Variants in TTC23L observed in about 807,000 individuals in gnomAD.
TTC23L encodes tetratricopeptide repeat protein 23-like.
A neutral mutation model predicts 48.1 loss-of-function variants in TTC23L; 42 were observed. The observed-to-expected ratio is 0.87, with a 90% CI of 0.68 to 1.13. The LOEUF (loss-of-function observed/expected upper bound fraction) is 1.13. TTC23L is among the 50% of genes most tolerant of loss of function. The pLI is 0.00. For synonymous variants in TTC23L, 159 were observed against 157.2 expected, an observed-to-expected ratio of 1.01 and a Z score of -0.09; for missense variants, 391 against 421.0, an observed-to-expected ratio of 0.93 and a Z score of 0.62.
chr5:34,922,270 A>C, the TTC23L span: 1 of 1,587,850 alleles, frequency 6.3e-7, no homozygotes, highest in African/African-American at 1.3e-5. Flanking sequence ...CTAAGAAAAA[A>C]CAGGATCTCT....
chr5:34,910,995 C>A, the TTC23L span, among the ~76,000 whole-genome samples: 3 of 152,180 alleles, frequency 2.0e-5, no homozygotes, highest in African/African-American at 7.2e-5. Context: ...AATCCTTATA[C>A]AGCATTTCCC....
At chr5:34,916,089 C>T in the TTC23L span, 1 of 585,216 alleles carries the variant, frequency 1.7e-6, no homozygotes, top group Admixed American at 4.0e-5. Context: ...GGCCGTCTTC[C>T]TGGAGGCGGC....
At chr5:34,919,471 T>G in the TTC23L span, among the ~76,000 whole-genome samples, 1 of 152,136 alleles carries the variant, frequency 6.6e-6, no homozygotes, top group Non-Finnish European at 1.5e-5. Context: ...CAGTTTTCTT[T>G]GACACCTAAG....
At chr5:34,866,254 A>G (rs554259996) in intron 6 of TTC23L, among the ~76,000 whole-genome samples, 12 of 152,228 alleles carry the variant, frequency 7.9e-5, no homozygotes, top group Non-Finnish European at 1.6e-4. Context: ...TTTTGAACAG[A>G]TATATATGGA....
the TTC23L span, chr5:34,915,041 G>T: frequency 1.3e-6 from 1 of 750,026 alleles, no homozygotes; most frequent in Non-Finnish European, 2.1e-6. Context: ...GGTGGAAAGG[G>T]GCTGGGAGGC....
At chr5:34,898,992 C>T (rs1763400155) in intron 10 of TTC23L, among the ~76,000 whole-genome samples, 1 of 152,086 alleles carries the variant, frequency 6.6e-6, no homozygotes, top group Admixed American at 6.5e-5. Flanking sequence ...TTCACAGGGC[C>T]TCGGGCTGTA....
At chr5:34,864,401 A>C in intron 5 of TTC23L, 36 bp from the exon 6 acceptor site, 1 of 1,611,302 alleles carries the variant, frequency 6.2e-7, no homozygotes, top group Non-Finnish European at 8.5e-7. Flanking sequence ...AGTGGATGTT[A>C]GTTTGAGTGC....
At chr5:34,854,622 G>C (rs1291957149) in intron 4 of TTC23L, among the ~76,000 whole-genome samples, 1 of 152,140 alleles carries the variant, frequency 6.6e-6, no homozygotes. Flanking sequence ...GTGTGTGTCT[G>C]TGTGCGTTCA....
intron 7 of TTC23L, 195 bp from the exon 8 acceptor site, chr5:34,868,710 T>C (rs1580455086): frequency 1.9e-6 from 1 of 533,864 alleles, no homozygotes; most frequent in Non-Finnish European, 3.4e-6. Flanking sequence ...GCTTTGCATA[T>C]ACCATCTCAC....
At chr5:34,925,530 T>C in the TTC23L span, 14 of 1,568,102 alleles carry the variant, frequency 8.9e-6, no homozygotes, top group African/African-American at 1.1e-4. Flanking sequence ...TCAGTTACTT[T>C]ATATTTATTT....
Position 34,863,646 on chromosome 5 carries a change from C to A in TTC23L, c.536+592C>A, listed in dbSNP as rs777999535. On this transcript the variant is annotated intron_variant, in intron 5 of 10. Coordinates refer to ENST00000505624, the Ensembl canonical transcript of TTC23L. This position sits in a 1 kb window ranked among gnomAD's most constrained non-coding sequence, Gnocchi z 4.1. ...TTTTGAAATGCTCTTGTGGATACTG[C>A]CCATGAGGCTGGAGGCCAAGCAAAA... Among the ~76,000 whole-genome samples, 2 of 152,158 alleles carry A rather than the reference C, an allele frequency of 1.3e-5. No homozygotes were observed. Among genetic ancestry groups the A allele is most frequent in the Non-Finnish European group, 2.9e-5 (2 of 68,034 alleles).
the TTC23L span, chr5:34,913,414 AT>A: frequency 0.012 from 12,709 of 1,031,978 alleles, 98 homozygotes; most frequent in African/African-American, 0.038. Flanking sequence ...AACTTCCTGT[AT>A]TTTTCTGACC....
intron 6 of TTC23L, 60 bp downstream of exon 6, chr5:34,864,622 A>G (rs1760918726): frequency 6.7e-7 from 1 of 1,502,686 alleles, no homozygotes; most frequent in Non-Finnish European, 8.9e-7. Flanking sequence ...ATTACATGAT[A>G]TAAGGGAGAA....
At chr5:34,923,471 T>C in the TTC23L span, 1 of 473,944 alleles carries the variant, frequency 2.1e-6, no homozygotes, top group East Asian at 3.7e-5. Context: ...AGAGACGGGG[T>C]TTCGCCATGT....
intron 4 of TTC23L, among the ~76,000 whole-genome samples, chr5:34,854,270 C>T (rs1759934191): frequency 6.6e-6 from 1 of 152,194 alleles, no homozygotes; most frequent in Admixed American, 6.5e-5. Flanking sequence ...GGAAAGGCAG[C>T]TTGCTGGTCA....
At chr5:34,904,549 G>A in the TTC23L span, among the ~76,000 whole-genome samples, 1 of 149,442 alleles carries the variant, frequency 6.7e-6, no homozygotes. Context: ...AACTGAGATC[G>A]CACCACTGCA....
chr5:34,892,814 A>G (rs1762956458), intron 9 of TTC23L, among the ~76,000 whole-genome samples: 1 of 152,172 alleles, frequency 6.6e-6, no homozygotes, highest in African/African-American at 2.4e-5. Context: ...GTTGTAGTTT[A>G]AGGTACCTAA....
At chr5:34,914,803 G>C in the TTC23L span, 3 of 1,614,226 alleles carry the variant, frequency 1.9e-6, no homozygotes, top group Middle Eastern at 3.3e-4. Context: ...TAGCTTTCAA[G>C]ATAGTGGAGA....
At chr5:34,920,510 T>C in the TTC23L span, 1 of 152,220 alleles carries the variant, frequency 6.6e-6, no homozygotes, top group Non-Finnish European at 1.5e-5. Flanking sequence ...CATTATTCTA[T>C]GTGCTGTAGA....
Sources: allele counts gnomAD v4.1 joint callset (sites outside exome capture counted in the v4.1 genomes callset), GRCh38; gene constraint gnomAD v4.1.1; non-coding constraint Gnocchi (gnomAD v3.1); transcripts MANE v1.5; gene names NCBI Gene and HGNC (gene_info 2026-07-23, HGNC 2026-07-21).